The following RALYL variants were observed in gnomAD, a reference collection of about 807,000 sequenced individuals.
The protein encoded by RALYL is RALY RNA binding protein like, also known as RNA-binding Raly-like protein.
A neutral mutation model predicts 35.1 loss-of-function variants in RALYL; 29 were observed. The observed-to-expected ratio is 0.83, with a 90% CI of 0.61 to 1.13. The LOEUF is 1.13. Among genes scored for constraint, RALYL ranks in the 50% most tolerant of loss-of-function variants. The pLI is 0.00. For missense variants in RALYL, 359 were observed against 360.4 expected (o/e 1.00, Z 0.03); for synonymous variants, 120 against 127.6 (o/e 0.94, Z 0.40).
chr8:84,823,676 C>A (rs1320721437), intron 4 of RALYL, among the ~76,000 whole-genome samples: 1 of 152,026 alleles, frequency 6.6e-6, no homozygotes, highest in Non-Finnish European at 1.5e-5. Flanking sequence ...CTCCTTGACA[C>A]CTCTTTATTT....
At chr8:84,288,614 C>G (rs1306085989) in intron 1 of RALYL, among the ~76,000 whole-genome samples, 1 of 147,572 alleles carries the variant, frequency 6.8e-6, no homozygotes, top group Admixed American at 7.6e-5. Context: ...TTGTATTGCC[C>G]AGTTTGAAAT....
intron 2 of RALYL, among the ~76,000 whole-genome samples, chr8:84,677,051 G>A (rs1423810688): frequency 6.6e-6 from 1 of 151,942 alleles, no homozygotes; most frequent in East Asian, 1.9e-4. Flanking sequence ...CCACTCTCTT[G>A]GGCCTCCCAA....
chr8:84,437,119 T>A (rs1305707248), intron 1 of RALYL, among the ~76,000 whole-genome samples: 1 of 152,104 alleles, frequency 6.6e-6, no homozygotes, highest in Non-Finnish European at 1.5e-5. Context: ...TGAGAACATG[T>A]TGTATTTGGT....
chr8:84,497,642 G>GTTTTTTTTTTTTTTTTTTTTTTTTTT (rs71271999), intron 1 of RALYL, among the ~76,000 whole-genome samples: 3 of 117,240 alleles, frequency 2.6e-5, no homozygotes, highest in African/African-American at 6.5e-5. Context: ...TTTTGTTTTT[G>GTTTTTTTTTTTTTTTTTTTTTTTTTT]TTTTTTTTTT....
rs561616660 is a variant in RALYL, at chr8:84,328,101, C to T, written c.-24+143677C>T. On this transcript the variant is annotated intron_variant, in intron 1 of 8. Coordinates refer to ENST00000521268, the MANE Select transcript of RALYL (RefSeq NM_173848.7). ...ATAGTCTTTCACTTAGAACTTATTA[C>T]GGTAACATTAATTATTGGGAATTAT... 1.4e-3 allele frequency among the ~76,000 whole-genome samples: 208 copies of T among 152,200 alleles called. 5 individuals carry two copies. In the South Asian group the frequency reaches 0.032, roughly 23 times the overall value.
intron 1 of RALYL, among the ~76,000 whole-genome samples, chr8:84,186,288 TAC>T (rs762017135): frequency 6.6e-6 from 1 of 152,182 alleles, no homozygotes; most frequent in African/African-American, 2.4e-5. Context: ...ATTACTAAAA[TAC>T]AGTCTTTCAT....
chr8:84,408,024 A>C (rs1484281682), intron 1 of RALYL, among the ~76,000 whole-genome samples: 1 of 152,138 alleles, frequency 6.6e-6, no homozygotes, highest in Non-Finnish European at 1.5e-5. Context: ...CATTTTAGTC[A>C]TTAGCCTAAT....
intron 2 of RALYL, among the ~76,000 whole-genome samples, chr8:84,754,568 C>G (rs1044838958): frequency 1.3e-5 from 2 of 152,242 alleles, no homozygotes; most frequent in Non-Finnish European, 2.9e-5. Flanking sequence ...TGTTGAAATC[C>G]TCATACTTGA....
At chr8:84,516,473 C>A (rs1303279858) in intron 1 of RALYL, among the ~76,000 whole-genome samples, 17 of 151,764 alleles carry the variant, frequency 1.1e-4, no homozygotes, top group Admixed American at 1.1e-3. Flanking sequence ...TATTTAAGCA[C>A]TACAGTTTGA....
At chr8:84,678,938 G>A (rs1183769673) in intron 2 of RALYL, 2 of 243,584 alleles carry the variant, frequency 8.2e-6, no homozygotes, top group Admixed American at 4.6e-5. Flanking sequence ...AGATTAAGCA[G>A]GTTGAGAATG....
chr8:84,727,683 T>A (rs1019250894), intron 2 of RALYL, among the ~76,000 whole-genome samples: 1 of 142,190 alleles, frequency 7.0e-6, no homozygotes, highest in African/African-American at 2.6e-5. Context: ...CCATGTGTTC[T>A]CATTGTTCAG....
intron 1 of RALYL, among the ~76,000 whole-genome samples, chr8:84,381,585 C>T (rs936972904): frequency 1.3e-5 from 2 of 151,826 alleles, no homozygotes; most frequent in Non-Finnish European, 2.9e-5. Flanking sequence ...CACATTTATA[C>T]ATCAGTTAAG....
chr8:84,686,834 ACTTCATTTGATGTCTAAAAC>A (rs1363945979), intron 2 of RALYL, among the ~76,000 whole-genome samples: 1 of 152,160 alleles, frequency 6.6e-6, no homozygotes, highest in Admixed American at 6.6e-5. Flanking sequence ...AAATAATTTG[ACTTCATTTGATGTCTAAAAC>A]CTTCATTTTA....
intron 8 of RALYL, among the ~76,000 whole-genome samples, chr8:84,906,627 T>G (rs1326037891): frequency 6.6e-6 from 1 of 152,120 alleles, no homozygotes; most frequent in Non-Finnish European, 1.5e-5. Flanking sequence ...GAAAAGAGAT[T>G]TATTGCCAAA....
At chr8:84,650,453 CA>C (rs1444373362) in intron 2 of RALYL, among the ~76,000 whole-genome samples, 181 of 151,920 alleles carry the variant, frequency 1.2e-3, no homozygotes, top group Non-Finnish European at 2.0e-3. Context: ...TTTATGCAGC[CA>C]AAAAACACAT....
At chr8:84,331,101 T>C (rs886266988) in intron 1 of RALYL, among the ~76,000 whole-genome samples, 4 of 152,232 alleles carry the variant, frequency 2.6e-5, no homozygotes, top group African/African-American at 9.6e-5. Context: ...ATTCTGCTTA[T>C]TGGAAATGTA....
At chr8:84,499,757 A>G (rs1203681567) in intron 1 of RALYL, among the ~76,000 whole-genome samples, 1 of 151,988 alleles carries the variant, frequency 6.6e-6, no homozygotes, top group Non-Finnish European at 1.5e-5. Flanking sequence ...TGATGTGATT[A>G]TTTATTTATT....
chr8:84,366,317 G>A (rs1461673284), intron 1 of RALYL, among the ~76,000 whole-genome samples: 1 of 152,148 alleles, frequency 6.6e-6, no homozygotes, highest in African/African-American at 2.4e-5. Context: ...GTTTTTAAAT[G>A]TGCAAAACAA....
chr8:84,482,095 G>C (rs1587679664), intron 1 of RALYL, among the ~76,000 whole-genome samples: 1 of 152,042 alleles, frequency 6.6e-6, no homozygotes, highest in East Asian at 1.9e-4. Context: ...AGTTTATTCA[G>C]TAGTAGATTT....
Sources: allele counts gnomAD v4.1 joint callset (sites outside exome capture counted in the v4.1 genomes callset), GRCh38; gene constraint gnomAD v4.1.1; transcripts MANE v1.5; gene names NCBI Gene and HGNC (gene_info 2026-07-23, HGNC 2026-07-21).